ZBTB5: variants seen among roughly 807,000 people sequenced by gnomAD.
The protein encoded by ZBTB5 is zinc finger and BTB domain containing 5.
ZBTB5 carries 15 observed loss-of-function variants against 37.9 expected under a neutral mutation model. The ratio of observed to expected loss-of-function variants is 0.40; its 90% CI spans 0.26 to 0.61. ZBTB5 has a LOEUF of 0.61. Ranked by LOEUF, ZBTB5 falls within the 20% of genes least tolerant of loss-of-function variation. ZBTB5 has a pLI of 0.47. For missense variants in ZBTB5, 708 were observed against 856.8 expected, an observed-to-expected ratio of 0.83 and a Z score of 2.17; for synonymous variants, 315 against 312.4, an observed-to-expected ratio of 1.01 and a Z score of -0.09.
Position 37,440,644 on chromosome 9 carries a change from T to C in ZBTB5, c.1908A>G (p.Thr636=), listed in dbSNP as rs1823848326. 2 of 1,614,282 alleles carry C rather than the reference T, an allele frequency of 1.2e-6. No homozygotes were observed. The highest frequency in any genetic ancestry group is 1.7e-6 in the Non-Finnish European group (2 of 1,180,056). ...TCAGGCAGGCGTAAGGCTTTTCACC[T>C]GTGTGAACACGGATGTGCTTCTTGC... The part of the protein sequence containing the change: ...TDCKKHIRVH[T]GEKPYACLKC... The change falls in exon 2 of 2, where the codon ACA becomes ACG. Residue 636 remains threonine (T), a synonymous_variant. Coordinates refer to ENST00000307750, the MANE Select transcript of ZBTB5 (RefSeq NM_014872.3).
chr9:37,443,131 C>T (rs976982593), intron 1 of ZBTB5, among the ~76,000 whole-genome samples: 3 of 152,014 alleles, frequency 2.0e-5, no homozygotes, highest in East Asian at 1.9e-4. Context: ...GGGCAGATCA[C>T]CTGAGGTCAG....
At chr9:37,451,137 T>C (rs1824095810) in intron 1 of ZBTB5, among the ~76,000 whole-genome samples, 1 of 151,834 alleles carries the variant, frequency 6.6e-6, no homozygotes, top group Admixed American at 6.6e-5. Flanking sequence ...GCTGAGATCA[T>C]ACCACTGCAC....
intron 1 of ZBTB5, among the ~76,000 whole-genome samples, chr9:37,464,784 C>A (rs746096500): frequency 6.6e-6 from 1 of 152,392 alleles, no homozygotes; most frequent in African/African-American, 2.4e-5. Context: ...CGATGGCAGT[C>A]TGCCTATGGC....
At position 37,441,755 on chromosome 9, in the gene ZBTB5, G is replaced by A. The variant is rs779327119; in HGVS notation, c.797C>T (p.Thr266Ile). Residue 266 changes from threonine (T) to isoleucine (I), a missense_variant, in exon 2 of 2, where the codon ACT (threonine) becomes ATT (isoleucine). Thr to Ile is a moderately conservative substitution (Grantham distance 89). Transcript: ENST00000307750. The stretch of plus-strand genomic sequence containing the variant: ...GCTGGGCACCTGGGCATCTTCTTGA[G>A]TGCCAAAAGACTGATCAAACATGAT... ...SAIMFDQSFG[T>I]QEDAQVPSQS... The A allele has an allele frequency of 1.2e-6, 2 of 1,614,042 alleles. No homozygotes were observed. The highest frequency in any genetic ancestry group is 3.3e-5 in the Admixed American group (2 of 60,000).
intron 1 of ZBTB5, among the ~76,000 whole-genome samples, chr9:37,445,112 G>C (rs1588776066): frequency 6.6e-6 from 1 of 151,458 alleles, no homozygotes; most frequent in African/African-American, 2.4e-5. Flanking sequence ...AAAAAAGGTT[G>C]TTTACTCACA....
chr9:37,462,209 A>G (rs1824305934), intron 1 of ZBTB5, among the ~76,000 whole-genome samples: 1 of 152,174 alleles, frequency 6.6e-6, no homozygotes, highest in African/African-American at 2.4e-5. Flanking sequence ...TAACACTAGG[A>G]AAAAAACTGC....
At chr9:37,442,698 C>T (rs1823908358) in intron 1 of ZBTB5, 143 bp from the exon 2 acceptor site, 1 of 670,478 alleles carries the variant, frequency 1.5e-6, no homozygotes, top group South Asian at 2.0e-5. Context: ...GGCACATACA[C>T]TAAGAGCTTG....
At chr9:37,452,440 T>C (rs1279152246) in intron 1 of ZBTB5, among the ~76,000 whole-genome samples, 1 of 152,204 alleles carries the variant, frequency 6.6e-6, no homozygotes, top group Admixed American at 6.5e-5. Context: ...TAGTTGGAAA[T>C]AGCAGTGTAT....
intron 1 of ZBTB5, among the ~76,000 whole-genome samples, chr9:37,463,868 T>C (rs1309754458): frequency 6.6e-6 from 1 of 152,184 alleles, no homozygotes; most frequent in East Asian, 1.9e-4. Context: ...AAAAAGAGTC[T>C]GTTTATTCAG....
intron 1 of ZBTB5, among the ~76,000 whole-genome samples, chr9:37,459,290 C>G (rs1824245348): frequency 6.6e-6 from 1 of 152,058 alleles, no homozygotes; most frequent in African/African-American, 2.4e-5. Context: ...GAAAAGCCGT[C>G]TCTACTAAAA....
At chr9:37,451,738 A>G (rs904910564) in intron 1 of ZBTB5, among the ~76,000 whole-genome samples, 7 of 152,236 alleles carry the variant, frequency 4.6e-5, no homozygotes, top group African/African-American at 1.4e-4. Flanking sequence ...TTTAAGGATA[A>G]TTTGGTGGGT....
chr9:37,441,931 G>C lies in ZBTB5; in HGVS notation c.621C>G (p.Pro207=), dbSNP rs1823888856. The C allele has an allele frequency of 6.2e-7, 1 of 1,614,078 alleles. No homozygotes were observed. ...CTGAAATGGCAGACTCATCTATGGA[G>C]GGTCGGAGGCGCTGCCTGGCCCGCT... ...AEERARQRLR[P]SIDESAISDV... Residue 207 remains proline, a synonymous_variant, in exon 2 of 2, where the codon CCC becomes CCG. Coordinates refer to ENST00000307750, the MANE Select transcript of ZBTB5 (RefSeq NM_014872.3).
At chr9:37,452,136 G>A (rs1447592648) in intron 1 of ZBTB5, among the ~76,000 whole-genome samples, 5 of 152,168 alleles carry the variant, frequency 3.3e-5, no homozygotes, top group South Asian at 4.2e-4. Flanking sequence ...TTTGGCCTAC[G>A]CACAGGAATG....
Position 37,460,154 on chromosome 9 carries a change from C to A in ZBTB5, c.-5+5061G>T, listed in dbSNP as rs540897477. 3.9e-5 allele frequency among the ~76,000 whole-genome samples: 6 copies of A among 152,178 alleles called. No homozygotes were observed. In the East Asian group the frequency reaches 1.2e-3, roughly 29 times the overall value. ...TTCTTTCTTAATGAAAAAAATTAGT[C>A]CAGCTAGGCACAGTGGCTCACGCCT... On this transcript the variant is annotated intron_variant, in intron 1 of 1. Transcript: ENST00000307750.
chr9:37,461,379 TATC>T (rs1824290313), intron 1 of ZBTB5, among the ~76,000 whole-genome samples: 1 of 152,182 alleles, frequency 6.6e-6, no homozygotes, highest in Non-Finnish European at 1.5e-5. Context: ...ATGTCAACAA[TATC>T]ATGCATAGAA....
At chr9:37,449,200 C>T (rs1010021183) in intron 1 of ZBTB5, among the ~76,000 whole-genome samples, 3 of 151,786 alleles carry the variant, frequency 2.0e-5, no homozygotes, top group Admixed American at 6.6e-5. Flanking sequence ...GCCTGGGCAA[C>T]GTAGTGAGAT....
At position 37,440,796 on chromosome 9, in the gene ZBTB5, T is replaced by C; in HGVS notation, c.1756A>G (p.Arg586Gly). 6.2e-7 allele frequency: 1 copy of C among 1,614,222 alleles called. No homozygotes were observed. The highest frequency in any genetic ancestry group is 8.5e-7 in the Non-Finnish European group (1 of 1,180,036). Residue 586 changes from arginine to glycine, a missense_variant, in exon 2 of 2, where the codon AGG becomes GGG. By Grantham distance (125) the Arg-to-Gly change is moderately radical. Around this residue, in one of 3 missense-constraint regions of ZBTB5, gnomAD observed 639 missense variants for 690.5 expected, o/e 0.93. Coordinates refer to ENST00000307750, the MANE Select transcript of ZBTB5 (RefSeq NM_014872.3). ...PSQPGPPQLT[R>G]ASADVLSKCK... ...TTTGACAGAACATCTGCAGATGCCCTGGTCAACTGTGGAGGGCCAGGCTGG... is the reference window on the plus strand; with the variant it reads ...TTTGACAGAACATCTGCAGATGCCCCGGTCAACTGTGGAGGGCCAGGCTGG...
At position 37,438,912 on chromosome 9, in the gene ZBTB5, CT is replaced by C. The variant is rs904783473; in HGVS notation, c.*1605del. 2.0e-5 allele frequency: 3 copies of C among 152,186 alleles called. No homozygotes were observed. The highest frequency in any genetic ancestry group is 7.2e-5 in the African/African-American group (3 of 41,432). The allele number at this position is 152,186 out of a possible 1,614,324, so 9.4% of individuals were successfully genotyped here. On this transcript the variant is annotated 3_prime_UTR_variant, in exon 2 of 2. Transcript: ENST00000307750. ...AGTCCATGGGAGATGCCAAGCGCCC[CT>C]GGAACATGAAATTATCCACACATGT... is the stretch of plus-strand genomic sequence containing the variant.
chr9:37,458,999 T>A (rs1031081398), intron 1 of ZBTB5, among the ~76,000 whole-genome samples: 1 of 152,212 alleles, frequency 6.6e-6, no homozygotes, highest in African/African-American at 2.4e-5. Flanking sequence ...AAAAATCTAC[T>A]GAAATAATCC....
Sources: allele counts gnomAD v4.1 joint callset (sites outside exome capture counted in the v4.1 genomes callset), GRCh38; gene constraint gnomAD v4.1.1; regional missense constraint gnomAD v4.1.1; transcripts MANE v1.5; gene names NCBI Gene and HGNC (gene_info 2026-07-23, HGNC 2026-07-21).